The following RBFOX1 variants were observed in gnomAD, a reference collection of about 807,000 sequenced individuals.
RBFOX1 encodes RNA binding protein fox-1 homolog 1.
Under a neutral mutation model 57.7 loss-of-function variants are expected in RBFOX1, and 8 were observed. That is an observed-to-expected ratio of 0.14 (90% CI 0.08 to 0.25). RBFOX1 has a LOEUF of 0.25. Among genes scored for constraint, RBFOX1 ranks in the 10% least tolerant of loss-of-function variants. RBFOX1 has a pLI of 1.00. For missense variants in RBFOX1, 611 were observed against 548.5 expected (o/e 1.11, Z -1.14); for synonymous variants, 326 against 222.4 (o/e 1.47, Z -4.15).
chr16:6,318,563 C>T (rs2081381427), intron 2 of RBFOX1, among the ~76,000 whole-genome samples: 1 of 152,124 alleles, frequency 6.6e-6, no homozygotes, highest in Non-Finnish European at 1.5e-5. Flanking sequence ...TCTCATTCCT[C>T]TGTCTTCTGA....
At chr16:7,068,874 C>T (rs1195041656) in intron 4 of RBFOX1, among the ~76,000 whole-genome samples, 1 of 152,218 alleles carries the variant, frequency 6.6e-6, no homozygotes, top group Non-Finnish European at 1.5e-5. Context: ...CAGGCATGAG[C>T]CACCGCGCCC....
intron 3 of RBFOX1, among the ~76,000 whole-genome samples, chr16:7,012,202 G>C (rs868587967): frequency 1.3e-5 from 2 of 152,120 alleles, no homozygotes; most frequent in Non-Finnish European, 1.5e-5. Context: ...AGCTCTTGCG[G>C]GTGTTTTTGT....
chr16:6,266,925 T>A (rs2074584627), intron 1 of RBFOX1, among the ~76,000 whole-genome samples: 1 of 152,178 alleles, frequency 6.6e-6, no homozygotes, highest in Non-Finnish European at 1.5e-5. Context: ...TCCATACTCT[T>A]AGCAGAGTGC....
chr16:7,622,408 T>C (rs894156946), intron 10 of RBFOX1, among the ~76,000 whole-genome samples: 2 of 152,228 alleles, frequency 1.3e-5, no homozygotes, highest in South Asian at 4.1e-4. Flanking sequence ...GTTAGGTTTA[T>C]CATATTAAGT....
chr16:7,231,754 G>A (rs967136458), intron 4 of RBFOX1, among the ~76,000 whole-genome samples: 6 of 152,148 alleles, frequency 3.9e-5, no homozygotes, highest in Non-Finnish European at 7.3e-5. Flanking sequence ...ATGCTACAAC[G>A]TGGATGGACC....
rs1412336391 is a variant in RBFOX1, at chr16:6,724,805, C to T, written c.-16+70155C>T. Among the ~76,000 whole-genome samples the T allele has an allele frequency of 2.0e-5, 3 of 151,940 alleles. No homozygotes were observed. The South Asian group carries it at 6.2e-4, about 32-fold the overall frequency. Reference sequence around the variant, plus strand: ...GGTTTGTTACATAAGTAAATGTGTACCATTGTGATTTGCTTCACCTATCAA... The same window carrying T: ...GGTTTGTTACATAAGTAAATGTGTATCATTGTGATTTGCTTCACCTATCAA... On this transcript the variant is annotated intron_variant, in intron 3 of 15. Coordinates refer to ENST00000550418, the MANE Select transcript of RBFOX1 (RefSeq NM_018723.4).
At chr16:5,830,968 C>T (rs1009880121) in intron 3 of RBFOX1, among the ~76,000 whole-genome samples, 10 of 43,130 alleles carry the variant, frequency 2.3e-4, no homozygotes, top group Non-Finnish European at 1.7e-4. Flanking sequence ...CATTTCCTAT[C>T]CCCCCCCAAC....
At chr16:6,928,980 C>G (rs1448968073) in intron 3 of RBFOX1, among the ~76,000 whole-genome samples, 1 of 152,110 alleles carries the variant, frequency 6.6e-6, no homozygotes, top group African/African-American at 2.4e-5. Flanking sequence ...TAAAGATGTT[C>G]ACGGTGCAAG....
chr16:5,502,818 G>C (rs545364589), intron 2 of RBFOX1, among the ~76,000 whole-genome samples: 1 of 152,100 alleles, frequency 6.6e-6, no homozygotes, highest in East Asian at 1.9e-4. Flanking sequence ...AGACTCTTCC[G>C]CGTCTCAGGG....
intron 2 of RBFOX1, among the ~76,000 whole-genome samples, chr16:6,423,235 G>T (rs774865191): frequency 2.6e-5 from 4 of 152,102 alleles, no homozygotes; most frequent in Non-Finnish European, 5.9e-5. Context: ...CATTTTGTTC[G>T]GCCTTCCGCA....
intron 3 of RBFOX1, among the ~76,000 whole-genome samples, chr16:6,818,928 A>G (rs546351551): frequency 2.0e-5 from 3 of 152,248 alleles, no homozygotes; most frequent in African/African-American, 7.2e-5. Context: ...CTGAACTGAT[A>G]GAATGAAGTC....
At chr16:6,794,091 C>G (rs1004942404) in intron 3 of RBFOX1, among the ~76,000 whole-genome samples, 7 of 152,022 alleles carry the variant, frequency 4.6e-5, no homozygotes, top group Non-Finnish European at 8.8e-5. Context: ...AATGACTGAA[C>G]TATAAGTTTA....
chr16:7,195,272 T>G (rs2086416689), intron 4 of RBFOX1, among the ~76,000 whole-genome samples: 1 of 152,186 alleles, frequency 6.6e-6, no homozygotes, highest in Non-Finnish European at 1.5e-5. Flanking sequence ...TTCTCTTAAA[T>G]TAATTTCATC....
At chr16:7,662,615 A>G (rs1199629885) in intron 12 of RBFOX1, among the ~76,000 whole-genome samples, 1 of 152,220 alleles carries the variant, frequency 6.6e-6, no homozygotes, top group East Asian at 1.9e-4. Context: ...AGTCACATGC[A>G]CACAGACCTT....
At chr16:5,899,538 C>A (rs1483089913) in intron 4 of RBFOX1, among the ~76,000 whole-genome samples, 1 of 152,148 alleles carries the variant, frequency 6.6e-6, no homozygotes, top group African/African-American at 2.4e-5. Context: ...TGTGTGAATT[C>A]CACGGGTTTC....
intron 4 of RBFOX1, among the ~76,000 whole-genome samples, chr16:7,327,851 G>C (rs2096631746): frequency 6.6e-6 from 1 of 151,266 alleles, no homozygotes; most frequent in African/African-American, 2.4e-5. Context: ...TCATTATCAT[G>C]ATCATCATCA....
intron 3 of RBFOX1, among the ~76,000 whole-genome samples, chr16:6,694,007 G>C (rs758066682): frequency 3.3e-5 from 5 of 152,186 alleles, no homozygotes; most frequent in Admixed American, 6.5e-5. Flanking sequence ...TTTGTTACAA[G>C]TTTAGTTTTC....
At chr16:6,092,130 C>T (rs1597226307) in intron 1 of RBFOX1, among the ~76,000 whole-genome samples, 1 of 152,220 alleles carries the variant, frequency 6.6e-6, no homozygotes, top group Admixed American at 6.5e-5. Context: ...GAAGTCCCAA[C>T]TGGTACATGG....
At chr16:6,180,239 G>C (rs1027074609) in intron 1 of RBFOX1, among the ~76,000 whole-genome samples, 1 of 151,992 alleles carries the variant, frequency 6.6e-6, no homozygotes, top group African/African-American at 2.4e-5. Flanking sequence ...CACCAGTAGA[G>C]GCACTGGGGT....
Sources: gnomAD v4.1 joint callset for allele counts (sites outside exome capture counted in the v4.1 genomes callset) on GRCh38, gnomAD v4.1.1 for gene constraint, MANE v1.5 for transcripts, NCBI Gene and HGNC (gene_info 2026-07-23, HGNC 2026-07-21) for gene names.